Variants in PKHD1 observed in about 807,000 individuals in gnomAD.
PKHD1 encodes PKHD1 ciliary IPT domain containing fibrocystin/polyductin.
A neutral mutation model predicts 412.0 loss-of-function variants in PKHD1; 291 were observed. The observed-to-expected ratio is 0.71, with a 90% confidence interval of 0.64 to 0.78. The LOEUF (loss-of-function observed/expected upper bound fraction) is 0.78. Among genes scored for constraint, PKHD1 ranks in the 30% least tolerant of loss-of-function variants. The pLI is 0.00. For missense variants in PKHD1, 4,825 were observed against 4,950.7 expected, an observed-to-expected ratio of 0.97 and a Z score of 0.76; for synonymous variants, 1,777 against 1,821.5, an observed-to-expected ratio of 0.98 and a Z score of 0.62.
intron 66 of PKHD1, chr6:51,622,060 C>G (rs1766693030): frequency 6.6e-6 from 1 of 152,134 alleles, no homozygotes; most frequent in Non-Finnish European, 1.5e-5. Flanking sequence ...TGGATTTGAT[C>G]AAGTTTTAGG....
Position 52,048,520 on chromosome 6 carries a change from G to A in PKHD1, c.2379C>T (p.Arg793=), listed in dbSNP as rs2128192726. Residue 793 remains arginine, a synonymous_variant, in exon 23 of 67, where the codon CGC becomes CGT. Coordinates refer to ENST00000371117, the MANE Select transcript of PKHD1 (RefSeq NM_138694.4). ...AAATCACTGTATTAGGAAGCTGGAT[G>A]CGAAAGTGTCCTCCTAGAGGTGGAC... is the stretch of plus-strand genomic sequence containing the variant. ...RTSPPLGGHF[R]IQLPNTVISD... The A allele has an allele frequency of 6.2e-7, 1 of 1,614,102 alleles. No homozygotes were observed. Among genetic ancestry groups the A allele is most frequent in the Non-Finnish European group, 8.5e-7 (1 of 1,179,928 alleles).
chr6:52,023,135 A>G (rs1340356942), intron 32 of PKHD1, among the ~76,000 whole-genome samples, 191 bp from the exon 33 acceptor site: 1 of 152,152 alleles, frequency 6.6e-6, no homozygotes. Context: ...TCTGACTCCA[A>G]TCACATTCAA....
intron 26 of PKHD1, 85 bp from the exon 27 acceptor site, chr6:52,043,219 A>G (rs1322462766): frequency 4.5e-6 from 5 of 1,112,766 alleles, no homozygotes; most frequent in Non-Finnish European, 6.5e-6. Context: ...ACTATCATCA[A>G]ATGTTCCTTC....
chr6:51,794,527 T>C (rs1029024145), intron 52 of PKHD1, among the ~76,000 whole-genome samples: 1 of 152,176 alleles, frequency 6.6e-6, no homozygotes. Context: ...AGTTTAATTA[T>C]ATCCCATTTG....
At chr6:52,070,035 A>G (rs545410240) in intron 10 of PKHD1, among the ~76,000 whole-genome samples, 1 of 152,330 alleles carries the variant, frequency 6.6e-6, no homozygotes. Context: ...GTGTGATAAA[A>G]TGTGGACCCC....
chr6:52,035,888 T>C (rs1350960923), intron 27 of PKHD1, among the ~76,000 whole-genome samples, 167 bp from the exon 28 acceptor site: 2 of 152,006 alleles, frequency 1.3e-5, no homozygotes, highest in East Asian at 1.9e-4. Flanking sequence ...ATATAAACTA[T>C]CATATAGAAA....
intron 35 of PKHD1, among the ~76,000 whole-genome samples, chr6:51,989,916 GA>G (rs1796723648): frequency 9.6e-6 from 1 of 104,252 alleles, no homozygotes; most frequent in African/African-American, 3.7e-5. Context: ...AGGAAGGAAG[GA>G]AGGAAGGAAG....
At chr6:51,709,751 T>C (rs1780425083) in intron 60 of PKHD1, among the ~76,000 whole-genome samples, 1 of 152,180 alleles carries the variant, frequency 6.6e-6, no homozygotes, top group South Asian at 2.1e-4. Context: ...CCAACTTTTA[T>C]AAATCCATCT....
At chr6:51,708,882 AAAGAAAAAG>A (rs1324753667) in intron 60 of PKHD1, among the ~76,000 whole-genome samples, 5 of 152,226 alleles carry the variant, frequency 3.3e-5, no homozygotes, top group African/African-American at 7.2e-5. Context: ...AAGGATATTA[AAAGAAAAAG>A]AAGAAAAAGA....
Position 51,617,797 on chromosome 6 carries a change from A to G in PKHD1, c.*1284T>C, listed in dbSNP as rs1417823998. On this transcript the variant is annotated 3_prime_UTR_variant, in exon 67 of 67. Coordinates refer to ENST00000371117, the MANE Select transcript of PKHD1 (RefSeq NM_138694.4). ...GAACTAATTCAGGGCATCATTATTT[A>G]GAATTCAGCAATGAAAGAGTGTGTT... 6.6e-6 allele frequency: 1 copy of G among 152,228 alleles called. No homozygotes were observed. The highest frequency in any genetic ancestry group is 2.4e-5 in the African/African-American group (1 of 41,448). 9.4% of individuals were successfully genotyped at this position (152,228 alleles called of 1,614,324 possible). A position where few individuals can be genotyped will look rare whatever the true frequency, so the allele number is the denominator to read the frequency against.
At chr6:51,628,830 G>C (rs1390903195) in intron 65 of PKHD1, among the ~76,000 whole-genome samples, 1 of 152,174 alleles carries the variant, frequency 6.6e-6, no homozygotes, top group African/African-American at 2.4e-5. Context: ...CAAAGGTACA[G>C]TAACCAAAAC....
At chr6:51,847,652 C>A in intron 50 of PKHD1, 123 bp downstream of exon 50, 2 of 781,092 alleles carry the variant, frequency 2.6e-6, no homozygotes, top group South Asian at 1.4e-5. Flanking sequence ...ATTCACTCAA[C>A]CATAACACAC....
chr6:51,971,298 G>A (rs997634941), intron 35 of PKHD1, among the ~76,000 whole-genome samples: 15 of 152,180 alleles, frequency 9.9e-5, no homozygotes, highest in African/African-American at 3.6e-4. Context: ...GGACCTTCTT[G>A]AGAGAACAGT....
intron 60 of PKHD1, among the ~76,000 whole-genome samples, chr6:51,735,101 T>C (rs1783677024): frequency 6.6e-6 from 1 of 152,188 alleles, no homozygotes; most frequent in South Asian, 2.1e-4. Flanking sequence ...ACTCTAAAAA[T>C]CTATTTGCTA....
At position 51,618,233 on chromosome 6, in the gene PKHD1, C is replaced by T. The variant is rs932484015; in HGVS notation, c.*848G>A. 6.6e-6 allele frequency: 1 copy of T among 152,200 alleles called. No homozygotes were observed. The highest frequency in any genetic ancestry group is 1.5e-5 in the Non-Finnish European group (1 of 68,088). The allele number at this position is 152,200 out of a possible 1,614,324, so 9.4% of individuals were successfully genotyped here. On this transcript the variant is annotated 3_prime_UTR_variant, in exon 67 of 67. Transcript: ENST00000371117. Reference sequence around the variant, plus strand: ...TTTATGCATCATCTTCTCCAAAAAGCAGCTTTTTGATAAAGGACTTGGCCA... The same window carrying T: ...TTTATGCATCATCTTCTCCAAAAAGTAGCTTTTTGATAAAGGACTTGGCCA...
chr6:51,657,288 G>A (rs1012275245), intron 61 of PKHD1, among the ~76,000 whole-genome samples: 1 of 151,904 alleles, frequency 6.6e-6, no homozygotes, highest in Non-Finnish European at 1.5e-5. Flanking sequence ...CGGGCTTTAG[G>A]GTTTTGTTTC....
chr6:51,649,297 T>C, intron 61 of PKHD1, 77 bp from the exon 62 acceptor site: 1 of 1,082,404 alleles, frequency 9.2e-7, no homozygotes, highest in Non-Finnish European at 1.4e-6. Context: ...CCACAATCCA[T>C]TATTACCAGT....
In PKHD1 at chr6:51,664,285, G is replaced by A. The variant is rs114873745; in HGVS notation, c.10157-4316C>T. Among the ~76,000 whole-genome samples the A allele has an allele frequency of 2.0e-3, 304 of 152,234 alleles. 2 individuals are homozygous for A. The highest frequency in any genetic ancestry group is 3.6e-3 in the Non-Finnish European group (244 of 68,006). ...CATGACACTGGATGAAAAAGAATATGACAAACTACCTAGGTAGAAGGCAGG... is the reference window on the plus strand; with the variant it reads ...CATGACACTGGATGAAAAAGAATATAACAAACTACCTAGGTAGAAGGCAGG... On this transcript the variant is annotated intron_variant, in intron 60 of 66. Transcript: ENST00000371117.
chr6:51,918,911 G>A (rs1375710397), intron 37 of PKHD1, among the ~76,000 whole-genome samples: 2 of 152,098 alleles, frequency 1.3e-5, no homozygotes, highest in South Asian at 2.1e-4. Flanking sequence ...TCATATGTTT[G>A]TTGATCGCAT....
Sources: allele counts gnomAD v4.1 joint callset (sites outside exome capture counted in the v4.1 genomes callset), GRCh38; gene constraint gnomAD v4.1.1; transcripts MANE v1.5; gene names NCBI Gene and HGNC (gene_info 2026-07-23, HGNC 2026-07-21).